Variants in TAFA1 observed in about 807,000 individuals in gnomAD.
TAFA1 encodes TAFA chemokine like family member 1, also known as chemokine-like protein TAFA-1.
Under a neutral mutation model 18.5 loss-of-function variants are expected in TAFA1, and 4 were observed. The ratio of observed to expected loss-of-function variants is 0.22; its 90% CI spans 0.11 to 0.49. The LOEUF (loss-of-function observed/expected upper bound fraction) is 0.49. TAFA1 is among the 20% of genes least tolerant of loss of function. The pLI is 0.98. For missense variants in TAFA1, 147 were observed against 169.0 expected (o/e 0.87, Z 0.72); for synonymous variants, 56 against 55.2 (o/e 1.01, Z -0.06).
intron 2 of TAFA1, among the ~76,000 whole-genome samples, chr3:68,127,991 T>C (rs539864488): frequency 2.0e-5 from 3 of 149,150 alleles, no homozygotes; most frequent in Non-Finnish European, 4.4e-5. Context: ...ATGATGGTAT[T>C]GGTAATAATA....
chr3:68,261,586 TAA>T (rs66601439), intron 2 of TAFA1, among the ~76,000 whole-genome samples: 1 of 151,938 alleles, frequency 6.6e-6, no homozygotes, highest in East Asian at 1.9e-4. Context: ...TATGCAGCCA[TAA>T]AAAAATGATG....
At chr3:68,033,786 A>C (rs1308289021) in intron 2 of TAFA1, among the ~76,000 whole-genome samples, 1 of 152,202 alleles carries the variant, frequency 6.6e-6, no homozygotes, top group African/African-American at 2.4e-5. Context: ...AGAGGACATC[A>C]TTATCTGCTT....
At chr3:68,109,222 A>G (rs2065237644) in intron 2 of TAFA1, among the ~76,000 whole-genome samples, 1 of 152,128 alleles carries the variant, frequency 6.6e-6, no homozygotes, top group South Asian at 2.1e-4. Flanking sequence ...ATTGGGTTAT[A>G]TTAAGTTGGA....
intron 2 of TAFA1, among the ~76,000 whole-genome samples, chr3:68,234,145 G>A (rs6771783): frequency 0.64 from 97,470 of 152,030 alleles, 31,775 homozygotes; most frequent in Middle Eastern, 0.8. Context: ...ATCAGCTGGG[G>A]TGGTGATTGC....
chr3:68,471,544 G>A (rs929579518), intron 3 of TAFA1, among the ~76,000 whole-genome samples: 6 of 152,176 alleles, frequency 3.9e-5, no homozygotes, highest in Non-Finnish European at 5.9e-5. Flanking sequence ...TGAGAACTTG[G>A]AGTCCGACGT....
intron 3 of TAFA1, among the ~76,000 whole-genome samples, chr3:68,441,161 G>A (rs182788087): frequency 6.6e-6 from 1 of 152,262 alleles, no homozygotes; most frequent in East Asian, 1.9e-4. Context: ...CCTCATTTGG[G>A]TGTGTTACTC....
At chr3:68,037,216 C>T (rs535607669) in intron 2 of TAFA1, among the ~76,000 whole-genome samples, 3 of 152,220 alleles carry the variant, frequency 2.0e-5, no homozygotes, top group African/African-American at 4.8e-5. Flanking sequence ...AGGCAATGGG[C>T]ATGAATGAGC....
At chr3:68,192,719 A>G (rs948181962) in intron 2 of TAFA1, 2 of 151,868 alleles carry the variant, frequency 1.3e-5, no homozygotes, top group African/African-American at 4.8e-5. Context: ...ATTAAAAAAT[A>G]AAATAAAATT....
chr3:68,121,303 T>C (rs1263064184), intron 2 of TAFA1, among the ~76,000 whole-genome samples: 2 of 151,088 alleles, frequency 1.3e-5, no homozygotes, highest in Admixed American at 1.3e-4. Context: ...ACTATGTATA[T>C]ACTCCTAACC....
At chr3:68,542,037 G>C (rs2073385908) in intron 4 of TAFA1, among the ~76,000 whole-genome samples, 1 of 152,082 alleles carries the variant, frequency 6.6e-6, no homozygotes, top group South Asian at 2.1e-4. Flanking sequence ...AAAAACCTCA[G>C]GAACAATGGA....
At chr3:68,235,478 G>A (rs2066917664) in intron 2 of TAFA1, among the ~76,000 whole-genome samples, 1 of 152,142 alleles carries the variant, frequency 6.6e-6, no homozygotes, top group Non-Finnish European at 1.5e-5. Context: ...GTGGTATTGT[G>A]GGGATTAAAA....
intron 2 of TAFA1, among the ~76,000 whole-genome samples, chr3:68,125,642 T>G (rs556352820): frequency 3.9e-5 from 6 of 152,274 alleles, no homozygotes; most frequent in Admixed American, 3.9e-4. Flanking sequence ...AGGCTTAAAT[T>G]CTTGTTAAAA....
At chr3:68,333,273 A>C (rs1445480289) in intron 2 of TAFA1, among the ~76,000 whole-genome samples, 1 of 152,224 alleles carries the variant, frequency 6.6e-6, no homozygotes, top group Non-Finnish European at 1.5e-5. Context: ...TAAACTTGAT[A>C]AAGAAAATGC....
chr3:68,544,560 A>G lies in TAFA1; in HGVS notation c.*57A>G, dbSNP rs765227387. Reference sequence around the variant, plus strand: ...ACCCTCTGGAAAATACATTTTGAGAATCTCAAACATCTCACATATATACAA... The same window carrying G: ...ACCCTCTGGAAAATACATTTTGAGAGTCTCAAACATCTCACATATATACAA... On this transcript the variant is annotated 3_prime_UTR_variant, in exon 5 of 5. Transcript: ENST00000478136. The G allele has an allele frequency of 3.3e-6, 5 of 1,537,442 alleles. No individual in the cohort carries two copies. In the African/African-American group the frequency reaches 6.8e-5, roughly 21 times the overall value.
intron 2 of TAFA1, among the ~76,000 whole-genome samples, chr3:68,298,766 T>C (rs1245787761): frequency 1.3e-5 from 2 of 152,202 alleles, no homozygotes. Flanking sequence ...TCCACCATGA[T>C]TGTAAGTTTC....
At chr3:68,250,962 G>T (rs1389125231) in intron 2 of TAFA1, 1 of 151,900 alleles carries the variant, frequency 6.6e-6, no homozygotes, top group Non-Finnish European at 1.5e-5. Context: ...GATAGAAATG[G>T]CATTTGCTTT....
At chr3:68,036,899 A>G (rs545456016) in intron 2 of TAFA1, among the ~76,000 whole-genome samples, 10 of 152,192 alleles carry the variant, frequency 6.6e-5, no homozygotes, top group African/African-American at 9.6e-5. Context: ...TTGTTTTTTC[A>G]TTTGTACAAT....
intron 2 of TAFA1, among the ~76,000 whole-genome samples, chr3:68,406,611 A>G (rs72914738): frequency 0.05 from 7,606 of 152,226 alleles, 519 homozygotes; most frequent in African/African-American, 0.15. Flanking sequence ...GATTGCATTA[A>G]TTTGGAATGT....
At chr3:68,321,635 T>C (rs2068698765) in intron 2 of TAFA1, among the ~76,000 whole-genome samples, 1 of 152,124 alleles carries the variant, frequency 6.6e-6, no homozygotes, top group Admixed American at 6.6e-5. Flanking sequence ...TGCTAAGTAT[T>C]TGGCTAACAG....
Sources: gnomAD v4.1 joint callset for allele counts (sites outside exome capture counted in the v4.1 genomes callset) on GRCh38, gnomAD v4.1.1 for gene constraint, MANE v1.5 for transcripts, NCBI Gene and HGNC (gene_info 2026-07-23, HGNC 2026-07-21) for gene names.